The following WIPF1 variants were observed in gnomAD, a reference collection of about 807,000 sequenced individuals.
WIPF1 encodes WAS/WASL interacting protein family member 1.
A neutral mutation model predicts 35.4 loss-of-function variants in WIPF1; 13 were observed. The ratio of observed to expected loss-of-function variants is 0.37; its 90% CI spans 0.24 to 0.58. WIPF1 has a LOEUF of 0.58. Among genes scored for constraint, WIPF1 ranks in the 20% least tolerant of loss-of-function variants. The pLI is 0.74. For synonymous variants in WIPF1, 267 were observed against 266.3 expected, an observed-to-expected ratio of 1.00 and a Z score of -0.02; for missense variants, 591 against 667.0, an observed-to-expected ratio of 0.89 and a Z score of 1.25.
At chr2:174,632,563 G>T (rs534221787) in intron 1 of WIPF1, among the ~76,000 whole-genome samples, 18 of 151,992 alleles carry the variant, frequency 1.2e-4, no homozygotes, top group African/African-American at 4.3e-4. Flanking sequence ...TACAATATTA[G>T]CCACGTGTGG....
intron 3 of WIPF1, 33 bp from the exon 4 acceptor site, chr2:174,575,413 C>T (rs749447984): frequency 2.5e-6 from 4 of 1,572,534 alleles, no homozygotes; most frequent in Middle Eastern, 1.8e-4. Flanking sequence ...CAGACTATGC[C>T]CCCTGGTCTG....
chr2:174,663,319 CTT>C (rs1428179424), intron 1 of WIPF1, among the ~76,000 whole-genome samples: 1 of 152,216 alleles, frequency 6.6e-6, no homozygotes, highest in Non-Finnish European at 1.5e-5. Flanking sequence ...AAAGGTTTCA[CTT>C]GGCAGAGAAG....
chr2:174,609,628 T>G (rs1431403863), intron 1 of WIPF1, among the ~76,000 whole-genome samples: 1 of 152,254 alleles, frequency 6.6e-6, no homozygotes, highest in East Asian at 1.9e-4. Flanking sequence ...TAAGACTACA[T>G]TGATTTGGAG....
Position 174,566,829 on chromosome 2 carries a change from A to C in WIPF1, c.1456+241T>G, listed in dbSNP as rs900018552. On this transcript the variant is annotated intron_variant, in intron 7 of 7. Coordinates refer to ENST00000679041, the MANE Select transcript of WIPF1 (RefSeq NM_001375834.1). The stretch of plus-strand genomic sequence containing the variant: ...CAAAGAAGTAAAATAATAAAATTTA[A>C]TACTAGCAAACCACGGTATTTTGAG... 1.2e-5 allele frequency: 5 copies of C among 419,404 alleles called. No homozygotes were observed. The Admixed American group carries it at 1.2e-4, about 10-fold the overall frequency. The allele number at this position is 419,404 out of a possible 1,614,324, so 26.0% of individuals were successfully genotyped here.
At chr2:174,577,975 T>C (rs1415705882) in intron 3 of WIPF1, among the ~76,000 whole-genome samples, 1 of 152,050 alleles carries the variant, frequency 6.6e-6, no homozygotes, top group East Asian at 1.9e-4. Context: ...TAACATCTGA[T>C]TGATTTAGAT....
chr2:174,655,903 GTAA>G (rs1687630557), intron 1 of WIPF1: 1 of 152,278 alleles, frequency 6.6e-6, no homozygotes, highest in African/African-American at 2.4e-5. Flanking sequence ...TGACTATGTG[GTAA>G]TCTATTCCAT....
At chr2:174,678,981 T>C (rs1220406776) in intron 1 of WIPF1, among the ~76,000 whole-genome samples, 1 of 152,226 alleles carries the variant, frequency 6.6e-6, no homozygotes, top group African/African-American at 2.4e-5. Context: ...TATTTACCTA[T>C]GGAGAAAGGA....
chr2:174,629,728 C>T (rs1686957804), intron 1 of WIPF1: 1 of 152,236 alleles, frequency 6.6e-6, no homozygotes, highest in Non-Finnish European at 1.5e-5. Context: ...CTTTAGCAGC[C>T]CTCCATCTAG....
In WIPF1 at chr2:174,567,149, A is replaced by C; in HGVS notation, c.1377T>G (p.Ile459Met). ...EWESRFYFHPISDLPPPEPYV... is the reference protein window; with the variant it reads ...EWESRFYFHPMSDLPPPEPYV... ...ATGGCTCTGGAGGTGGCAAATCGGA[A>C]ATCGGATGGAAGTAGAATCTGCTTT... The change falls in exon 7 of 8, where the codon ATT becomes ATG. Residue 459 changes from isoleucine (I) to methionine (M), a missense_variant. Physicochemically the swap from Ile to Met is conservative, Grantham distance 10. Coordinates refer to ENST00000679041, the MANE Select transcript of WIPF1 (RefSeq NM_001375834.1). The C allele has an allele frequency of 6.2e-7, 1 of 1,614,196 alleles. No individual in the cohort carries two copies. The highest frequency in any genetic ancestry group is 8.5e-7 in the Non-Finnish European group (1 of 1,180,022).
At chr2:174,650,895 C>T (rs907705359) in intron 1 of WIPF1, among the ~76,000 whole-genome samples, 5 of 152,264 alleles carry the variant, frequency 3.3e-5, no homozygotes, top group African/African-American at 1.2e-4. Flanking sequence ...AAACTTATGT[C>T]TACAGAGACA....
intron 3 of WIPF1, among the ~76,000 whole-genome samples, chr2:174,579,484 T>C (rs767087397): frequency 6.6e-6 from 1 of 152,134 alleles, no homozygotes; most frequent in African/African-American, 2.4e-5. Context: ...TGCAAACAGA[T>C]ACAAAACTGT....
intron 1 of WIPF1, among the ~76,000 whole-genome samples, chr2:174,608,649 A>G (rs1686250122): frequency 6.6e-6 from 1 of 152,172 alleles, no homozygotes; most frequent in South Asian, 2.1e-4. Flanking sequence ...CCAAGGGAGA[A>G]ACTGGTGGAA....
At chr2:174,563,707 T>A (rs1022608187) in intron 7 of WIPF1, among the ~76,000 whole-genome samples, 6 of 152,198 alleles carry the variant, frequency 3.9e-5, no homozygotes, top group African/African-American at 1.4e-4. Flanking sequence ...TGGCATGAGG[T>A]CAGGTGCTCA....
At chr2:174,671,648 T>C (rs1027037555) in intron 1 of WIPF1, among the ~76,000 whole-genome samples, 6 of 152,122 alleles carry the variant, frequency 3.9e-5, no homozygotes, top group African/African-American at 1.2e-4. Flanking sequence ...TTCCCAGGGG[T>C]AGGTCTCTAA....
chr2:174,650,068 G>A (rs1041351388), intron 1 of WIPF1, among the ~76,000 whole-genome samples: 2 of 152,104 alleles, frequency 1.3e-5, no homozygotes, highest in Non-Finnish European at 2.9e-5. Flanking sequence ...GAGTATTTGG[G>A]GTTTTGTCAA....
intron 5 of WIPF1, among the ~76,000 whole-genome samples, chr2:174,569,661 G>T (rs1353727955): frequency 6.6e-6 from 1 of 152,140 alleles, no homozygotes; most frequent in Non-Finnish European, 1.5e-5. Context: ...ATCATTTATT[G>T]AATATAACTA....
intron 1 of WIPF1, among the ~76,000 whole-genome samples, chr2:174,604,681 G>A (rs1425651750): frequency 1.3e-5 from 2 of 152,224 alleles, no homozygotes; most frequent in African/African-American, 4.8e-5. Flanking sequence ...GAGATAGTCC[G>A]AAGAGCTGGC....
At chr2:174,647,555 G>A (rs1687436603) in intron 1 of WIPF1, among the ~76,000 whole-genome samples, 2 of 151,512 alleles carry the variant, frequency 1.3e-5, no homozygotes, top group African/African-American at 4.9e-5. Flanking sequence ...TGTATTTTTA[G>A]TAGAGATGAG....
intron 1 of WIPF1, among the ~76,000 whole-genome samples, chr2:174,604,109 A>T (rs1206658904): frequency 1.3e-5 from 2 of 152,246 alleles, no homozygotes; most frequent in Admixed American, 1.3e-4. Flanking sequence ...TTATAAGCAG[A>T]CATCTGTATT....
Sources: allele counts gnomAD v4.1 joint callset (sites outside exome capture counted in the v4.1 genomes callset), GRCh38; gene constraint gnomAD v4.1.1; transcripts MANE v1.5; gene names NCBI Gene and HGNC (gene_info 2026-07-23, HGNC 2026-07-21).